DHRSX: variants seen among roughly 807,000 people sequenced by gnomAD.
DHRSX encodes the protein dehydrogenase/reductase X-linked, also known as polyprenol dehydrogenase.
Under a neutral mutation model 34.0 loss-of-function variants are expected in DHRSX, and 31 were observed. That is an observed-to-expected ratio of 0.91 (90% CI 0.69 to 1.23). The LOEUF (loss-of-function observed/expected upper bound fraction) is 1.23, where lower values mean the gene tolerates loss of function less well. DHRSX is among the 50% of genes most tolerant of loss of function. The pLI is 0.00. For missense variants in DHRSX, 414 were observed against 428.1 expected (o/e 0.97, Z 0.29); for synonymous variants, 201 against 183.8 (o/e 1.09, Z -0.76).
intron 6 of DHRSX, among the ~76,000 whole-genome samples, chrX:2,239,104 C>A (rs1262465865): frequency 6.6e-6 from 1 of 152,058 alleles, no homozygotes; most frequent in Non-Finnish European, 1.5e-5. Flanking sequence ...AATGTTGTCT[C>A]TTATATAAAG....
rs775164033 is a variant in DHRSX at position 2,243,045 on chromosome X, A to C, written c.782T>G (p.Leu261Arg). The C allele has an allele frequency of 5.0e-6, 8 of 1,613,606 alleles. No individual in the cohort carries two copies. In the African/African-American group the frequency reaches 6.7e-5, roughly 13 times the overall value. Residue 261 changes from leucine to arginine, a missense_variant, in exon 6 of 7, where the codon CTT (leucine) becomes CGT (arginine). By Grantham distance (102) the Leu-to-Arg change is moderately radical. Transcript: ENST00000334651. The stretch of plus-strand genomic sequence containing the variant: ...TACCTTGAAAAGCAACCAGCCGAGA[A>C]GCTTCTTCGCCAGACGGGTGGCCCA... ...VFWATRLAKK[L>R]LGWLLFKTPD...
chrX:2,389,911 G>A lies in DHRSX; in HGVS notation c.286+18834C>T, dbSNP rs555748204. Among the ~76,000 whole-genome samples, 249 of 152,190 alleles carry A rather than the reference G, an allele frequency of 1.6e-3. 3 individuals are homozygous for A. The highest frequency in any genetic ancestry group is 5.8e-4 in the East Asian group (3 of 5,172). On this transcript the variant is annotated intron_variant, in intron 3 of 6. Coordinates refer to ENST00000334651, the MANE Select transcript of DHRSX (RefSeq NM_145177.3). ...TTCTGCTGCCTCAGCCTCCCGAGGA[G>A]CTGGGATTACAGGCTTGAGCCACCA... is the stretch of plus-strand genomic sequence containing the variant.
At chrX:2,232,033 C>CCTCCTCCCTTTCTT (rs374747047) in intron 6 of DHRSX, among the ~76,000 whole-genome samples, 1 of 145,116 alleles carries the variant, frequency 6.9e-6, no homozygotes, top group East Asian at 2.0e-4. Context: ...TCTTCCTTCT[C>CCTCCTCCCTTTCTT]CTCCTTTTTC....
Position 2,219,951 on chromosome X carries a change from T to G in DHRSX, c.*1090A>C, listed in dbSNP as rs1041709422. On this transcript the variant is annotated 3_prime_UTR_variant, in exon 7 of 7. Coordinates refer to ENST00000334651, the MANE Select transcript of DHRSX (RefSeq NM_145177.3). The stretch of plus-strand genomic sequence containing the variant: ...ATACCAAGGATGTACCCTTTGGCTG[T>G]GTGAGGTTTTCAGAAGTATCAGAAG... 1 of 152,170 alleles carries G rather than the reference T, an allele frequency of 6.6e-6. No individual in the cohort carries two copies. The highest frequency in any genetic ancestry group is 2.4e-5 in the African/African-American group (1 of 41,448). 9.4% of individuals were successfully genotyped at this position (152,170 alleles called of 1,614,324 possible). A position where few individuals can be genotyped will look rare whatever the true frequency, so the allele number is the denominator to read the frequency against.
intron 6 of DHRSX, among the ~76,000 whole-genome samples, chrX:2,237,266 A>G (rs2016038312): frequency 6.6e-6 from 1 of 152,142 alleles, no homozygotes; most frequent in Non-Finnish European, 1.5e-5. Context: ...CGGCACATCA[A>G]TCCAAGTTCC....
intron 6 of DHRSX, among the ~76,000 whole-genome samples, chrX:2,224,730 A>ACG (rs1326678597): frequency 1.3e-5 from 2 of 152,118 alleles, no homozygotes; most frequent in African/African-American, 4.8e-5. Context: ...ACTCATGCAT[A>ACG]CGCACACACA....
intron 2 of DHRSX, among the ~76,000 whole-genome samples, chrX:2,421,260 G>GT (rs1295699043): frequency 9.9e-5 from 15 of 152,138 alleles, no homozygotes; most frequent in African/African-American, 3.1e-4. Flanking sequence ...CACGCCTGTG[G>GT]TCCCAGCTAC....
At chrX:2,468,889 T>C (rs1243366122) in intron 1 of DHRSX, among the ~76,000 whole-genome samples, 1 of 148,886 alleles carries the variant, frequency 6.7e-6, no homozygotes, top group Admixed American at 6.7e-5. Context: ...AGAAGTTCCC[T>C]AGCAATAAGG....
At chrX:2,294,289 A>G (rs1391789683) in intron 3 of DHRSX, among the ~76,000 whole-genome samples, 1 of 152,130 alleles carries the variant, frequency 6.6e-6, no homozygotes, top group Non-Finnish European at 1.5e-5. Flanking sequence ...CATGCCTGTA[A>G]TCCCAGCACT....
At chrX:2,443,688 G>A (rs1341275979) in intron 1 of DHRSX, among the ~76,000 whole-genome samples, 2 of 152,096 alleles carry the variant, frequency 1.3e-5, no homozygotes, top group Non-Finnish European at 2.9e-5. Flanking sequence ...AATAACTCGT[G>A]TGAGAGAAGA....
At chrX:2,489,791 GC>G in intron 1 of DHRSX, 1 of 1,613,416 alleles carries the variant, frequency 6.2e-7, no homozygotes, top group Non-Finnish European at 8.5e-7. Context: ...CGACAGCAGC[GC>G]CCCCAGCTTC....
chrX:2,393,657 C>G (rs1181892547), intron 3 of DHRSX, among the ~76,000 whole-genome samples: 2 of 150,496 alleles, frequency 1.3e-5, no homozygotes, highest in African/African-American at 4.9e-5. Context: ...ACCTCCCCGT[C>G]TCCTCCGCAC....
chrX:2,252,435 C>T (rs62595489), intron 5 of DHRSX, among the ~76,000 whole-genome samples: 97,411 of 151,890 alleles, frequency 0.64, 32,470 homozygotes, highest in Non-Finnish European at 0.75. Flanking sequence ...CAGATAGTTA[C>T]TAAGTGCAGA....
At chrX:2,359,880 C>T (rs1382122403) in intron 3 of DHRSX, among the ~76,000 whole-genome samples, 1 of 151,892 alleles carries the variant, frequency 6.6e-6, no homozygotes, top group African/African-American at 2.4e-5. Context: ...ATGATGAGAA[C>T]ATATGGACAC....
intron 5 of DHRSX, among the ~76,000 whole-genome samples, chrX:2,253,682 A>G (rs1448571024): frequency 1.3e-5 from 2 of 152,254 alleles, no homozygotes; most frequent in African/African-American, 2.4e-5. Flanking sequence ...ACCTTATAAA[A>G]GGGTATTTGA....
At position 2,221,129 on chromosome X, in the gene DHRSX, G is replaced by T. The variant is rs772912801; in HGVS notation, c.905C>A (p.Ser302Tyr). 1 of 1,613,876 alleles carries T rather than the reference G, an allele frequency of 6.2e-7. No homozygotes were observed. The change falls in exon 7 of 7, where the codon TCC becomes TAC. Residue 302 changes from serine to tyrosine, a missense_variant. Physicochemically the swap from Ser to Tyr is moderately radical, Grantham distance 144 (BLOSUM62 -2). Coordinates refer to ENST00000334651, the MANE Select transcript of DHRSX (RefSeq NM_145177.3). ...TTTCTGGTTGTAGGTGACGTGGAGGGACTTGGTCTCTTTCTCGTTGTATAG... is the reference window on the plus strand; with the variant it reads ...TTTCTGGTTGTAGGTGACGTGGAGGTACTTGGTCTCTTTCTCGTTGTATAG... ...HYLYNEKETK[S>Y]LHVTYNQKLQ...
intron 3 of DHRSX, among the ~76,000 whole-genome samples, chrX:2,396,767 T>C (rs1454361646): frequency 2.7e-5 from 1 of 37,366 alleles, no homozygotes; most frequent in Non-Finnish European, 4.7e-5. Context: ...GTGTCTCCCT[T>C]TTTTTTTTTT....
intron 1 of DHRSX, among the ~76,000 whole-genome samples, chrX:2,466,431 C>G (rs2044497262): frequency 6.6e-6 from 1 of 151,976 alleles, no homozygotes. Context: ...AGAAGGAAAC[C>G]CAGTCTCAAA....
At chrX:2,454,480 T>C (rs1212781529) in intron 1 of DHRSX, among the ~76,000 whole-genome samples, 1 of 151,040 alleles carries the variant, frequency 6.6e-6, no homozygotes, top group Non-Finnish European at 1.5e-5. Flanking sequence ...TGAGCCGAGA[T>C]TGAGCTATTG....
Sources: gnomAD v4.1 joint callset for allele counts (sites outside exome capture counted in the v4.1 genomes callset) on GRCh38, gnomAD v4.1.1 for gene constraint, MANE v1.5 for transcripts, NCBI Gene and HGNC (gene_info 2026-07-23, HGNC 2026-07-21) for gene names.